The following MTSS1 variants were observed in gnomAD, a reference collection of about 807,000 sequenced individuals.
MTSS1 encodes the protein MTSS I-BAR domain containing 1, also known as protein MTSS 1.
In MTSS1, 18 loss-of-function variants were observed where a neutral mutation model predicts 79.0. The observed-to-expected ratio is 0.23, with a 90% CI of 0.16 to 0.34. The LOEUF (loss-of-function observed/expected upper bound fraction) is 0.34. Ranked by LOEUF, MTSS1 falls within the 10% of genes least tolerant of loss-of-function variation. The pLI is 1.00. For synonymous variants in MTSS1, 341 were observed against 368.6 expected, an observed-to-expected ratio of 0.93 and a Z score of 0.86; for missense variants, 815 against 986.2, an observed-to-expected ratio of 0.83 and a Z score of 2.33.
chr8:124,685,364 C>T (rs948810475), intron 3 of MTSS1, among the ~76,000 whole-genome samples: 3 of 152,210 alleles, frequency 2.0e-5, no homozygotes, highest in Non-Finnish European at 4.4e-5. Context: ...GATGCAGTGA[C>T]CCATGCCTGT....
chr8:124,636,579 A>G (rs62530689), intron 3 of MTSS1, among the ~76,000 whole-genome samples: 27,873 of 152,152 alleles, frequency 0.18, 2,849 homozygotes, highest in African/African-American at 0.28. Context: ...GACAGCTGTG[A>G]CAAATGTGGG....
At chr8:124,559,191 T>C (rs553884500) in intron 10 of MTSS1, among the ~76,000 whole-genome samples, 9 of 152,164 alleles carry the variant, frequency 5.9e-5, no homozygotes, top group Non-Finnish European at 1.3e-4. Context: ...GACTTCGTGC[T>C]CTCTTGGGTG....
intron 3 of MTSS1, among the ~76,000 whole-genome samples, chr8:124,594,740 G>A (rs1832464779): frequency 6.6e-6 from 1 of 152,224 alleles, no homozygotes; most frequent in Non-Finnish European, 1.5e-5. Context: ...GACATCCTCT[G>A]TGGACCCCAG....
intron 3 of MTSS1, among the ~76,000 whole-genome samples, chr8:124,636,111 G>A (rs2133900636): frequency 6.6e-6 from 1 of 152,200 alleles, no homozygotes; most frequent in Admixed American, 6.5e-5. Context: ...GGGTTCCTGT[G>A]CTGGAACCTC....
intron 3 of MTSS1, among the ~76,000 whole-genome samples, chr8:124,599,407 C>T (rs1021074970): frequency 2.7e-5 from 4 of 145,718 alleles, no homozygotes; most frequent in Non-Finnish European, 6.0e-5. Context: ...CACTTGAACC[C>T]GGGAGGCAGA....
At chr8:124,617,524 C>G (rs550737562) in intron 3 of MTSS1, among the ~76,000 whole-genome samples, 2 of 152,128 alleles carry the variant, frequency 1.3e-5, no homozygotes, top group African/African-American at 4.8e-5. Flanking sequence ...AGAGATCTCA[C>G]CTAAACCAGA....
chr8:124,584,317 A>C (rs1224517403), intron 6 of MTSS1, among the ~76,000 whole-genome samples: 1 of 152,256 alleles, frequency 6.6e-6, no homozygotes, highest in Admixed American at 6.5e-5. Context: ...GTTGTGAAGC[A>C]GCAGATTCAG....
intron 1 of MTSS1, among the ~76,000 whole-genome samples, chr8:124,723,264 T>G (rs1337757829): frequency 6.6e-6 from 1 of 152,218 alleles, no homozygotes; most frequent in East Asian, 1.9e-4. Flanking sequence ...GTTTGGTGCC[T>G]GAAACACCAC....
At chr8:124,701,647 C>G (rs1381063996) in intron 2 of MTSS1, among the ~76,000 whole-genome samples, 2 of 152,162 alleles carry the variant, frequency 1.3e-5, no homozygotes. Flanking sequence ...TTTAATGAAC[C>G]AGCTGCAGAG....
intron 3 of MTSS1, among the ~76,000 whole-genome samples, chr8:124,611,105 G>GAC (rs1835716268): frequency 9.5e-6 from 1 of 105,176 alleles, no homozygotes; most frequent in Non-Finnish European, 1.8e-5. Flanking sequence ...CCACCAGACA[G>GAC]ACCCCCCCCC....
At chr8:124,594,429 G>A (rs959793669) in intron 3 of MTSS1, among the ~76,000 whole-genome samples, 13 of 152,256 alleles carry the variant, frequency 8.5e-5, no homozygotes, top group African/African-American at 2.4e-4. Context: ...TACTTGGGAG[G>A]AGTAGCTTGA....
intron 3 of MTSS1, among the ~76,000 whole-genome samples, chr8:124,669,848 T>C (rs1462266186): frequency 6.6e-6 from 1 of 152,230 alleles, no homozygotes; most frequent in East Asian, 1.9e-4. Flanking sequence ...TAAAGGCAGA[T>C]GGTACGCGCG....
rs147521841 is a variant in MTSS1, at chr8:124,555,852, C to T, written c.1457G>A (p.Gly486Asp). The change falls in exon 13 of 14, where the codon GGC becomes GAC. Residue 486 changes from glycine to aspartate, a missense_variant. Coordinates refer to ENST00000518547, the MANE Select transcript of MTSS1 (RefSeq NM_014751.6). ...GCTCCTCTGGGTGTCCAGCTGCAGGCCCCGAGACAGGGCCAGGGCCAGCTC... is the reference window on the plus strand; with the variant it reads ...GCTCCTCTGGGTGTCCAGCTGCAGGTCCCGAGACAGGGCCAGGGCCAGCTC... Reference protein sequence around the residue: ...CEELALALSRGLQLDTQRSSR... With the variant: ...CEELALALSRDLQLDTQRSSR... 182 of 1,612,638 alleles carry T rather than the reference C, an allele frequency of 1.1e-4. No individual in the cohort carries two copies. Among genetic ancestry groups the T allele is most frequent in the Non-Finnish European group, 1.4e-4 (165 of 1,179,972 alleles).
At chr8:124,570,582 A>G (rs963944066) in intron 6 of MTSS1, among the ~76,000 whole-genome samples, 1 of 152,216 alleles carries the variant, frequency 6.6e-6, no homozygotes, top group Non-Finnish European at 1.5e-5. Context: ...AAACCACAGT[A>G]TATGTAAGGT....
intron 6 of MTSS1, chr8:124,577,754 C>G (rs188472191): frequency 2.3e-6 from 1 of 438,352 alleles, no homozygotes; most frequent in African/African-American, 2.0e-5. Flanking sequence ...ACCCTCTGCT[C>G]CTTGTTCTTC....
chr8:124,652,380 G>T (rs1373685452), intron 3 of MTSS1, among the ~76,000 whole-genome samples: 2 of 151,906 alleles, frequency 1.3e-5, no homozygotes, highest in Non-Finnish European at 2.9e-5. Context: ...TGGCCAGGCT[G>T]GTCTCAAACT....
Position 124,728,004 on chromosome 8 carries a change from G to A in MTSS1, c.-49C>T. Reference sequence around the variant, plus strand: ...GGCACACACGCGGGGCCGCTGGACTGCGCGCGGGGCCGGGGCTCGCTCACC... The same window carrying A: ...GGCACACACGCGGGGCCGCTGGACTACGCGCGGGGCCGGGGCTCGCTCACC... On this transcript the variant is annotated 5_prime_UTR_variant, in exon 1 of 14. Coordinates refer to ENST00000518547, the MANE Select transcript of MTSS1 (RefSeq NM_014751.6). This position sits in a 1 kb window ranked among gnomAD's most constrained non-coding sequence, Gnocchi z 6.1. 7 of 1,548,454 alleles carry A rather than the reference G, an allele frequency of 4.5e-6. No individual in the cohort carries two copies. Among genetic ancestry groups the A allele is most frequent in the Non-Finnish European group, 6.2e-6 (7 of 1,129,288 alleles).
chr8:124,660,205 G>T (rs1201855586), intron 3 of MTSS1, among the ~76,000 whole-genome samples: 2 of 152,172 alleles, frequency 1.3e-5, no homozygotes, highest in East Asian at 3.9e-4. Flanking sequence ...GAGCTCAATT[G>T]TAGGAGATGA....
rs1397536777 is a variant in MTSS1 at position 124,683,123 on chromosome 8, T to C, written c.208+16403A>G. On this transcript the variant is annotated intron_variant, in intron 3 of 13. Transcript: ENST00000518547. The surrounding 1 kb of genome is among the most constrained non-coding windows in gnomAD (Gnocchi z 4.5). ...TTATTTCCATGTGATTTAAACCTGATGTTTAATGTGACAGCACTTCCATTT... is the reference window on the plus strand; with the variant it reads ...TTATTTCCATGTGATTTAAACCTGACGTTTAATGTGACAGCACTTCCATTT... Among the ~76,000 whole-genome samples the C allele has an allele frequency of 6.6e-6, 1 of 152,060 alleles. No homozygotes were observed. The highest frequency in any genetic ancestry group is 1.5e-5 in the Non-Finnish European group (1 of 68,022).
Sources: gnomAD v4.1 joint callset for allele counts (sites outside exome capture counted in the v4.1 genomes callset) on GRCh38, gnomAD v4.1.1 for gene constraint, Gnocchi (gnomAD v3.1) non-coding constraint, MANE v1.5 for transcripts, NCBI Gene and HGNC (gene_info 2026-07-23, HGNC 2026-07-21) for gene names.